Variants in NOTCH4 observed in about 807,000 individuals in gnomAD.
NOTCH4 encodes the protein notch receptor 4, also known as neurogenic locus notch homolog protein 4.
A neutral mutation model predicts 189.0 loss-of-function variants in NOTCH4; 138 were observed. That is an observed-to-expected ratio of 0.73 (90% CI 0.64 to 0.84). The LOEUF (loss-of-function observed/expected upper bound fraction) is 0.84. NOTCH4 is among the 40% of genes least tolerant of loss of function. The probability of loss-of-function intolerance (pLI) is 0.00; values close to 1 mark genes in which losing one functional copy is unlikely to be tolerated. For synonymous variants in NOTCH4, 942 were observed against 1,032.8 expected, an observed-to-expected ratio of 0.91 and a Z score of 1.69; for missense variants, 2,286 against 2,605.4, an observed-to-expected ratio of 0.88 and a Z score of 2.67.
intron 28 of NOTCH4, among the ~76,000 whole-genome samples, chr6:32,196,710 C>G (rs1448333997): frequency 6.6e-6 from 1 of 152,104 alleles, no homozygotes; most frequent in Non-Finnish European, 1.5e-5. Flanking sequence ...CATGCCAGTT[C>G]CCCAGTAAGC....
Position 32,202,683 on chromosome 6 carries a change from G to A in NOTCH4, c.3232-84C>T, listed in dbSNP as rs776268485. Reference sequence around the variant, plus strand: ...TCAAGCAAACTCTTGGGTTAAGACGGTGCAGAGGGTCCTAGATTCTCATAT... The same window carrying A: ...TCAAGCAAACTCTTGGGTTAAGACGATGCAGAGGGTCCTAGATTCTCATAT... On this transcript the variant is annotated intron_variant, in intron 20 of 29. Transcript: ENST00000375023. The surrounding 1 kb of genome is among the most constrained non-coding windows in gnomAD (Gnocchi z 5.7). The A allele has an allele frequency of 2.9e-5, 37 of 1,297,072 alleles. 1 individual carries two copies. The Admixed American group carries it at 4.2e-4, about 15-fold the overall frequency. The allele number at this position is 1,297,072 out of a possible 1,614,324, so 80.3% of individuals were successfully genotyped here.
chr6:32,215,489 TACTC>T, intron 11 of NOTCH4, 104 bp from the exon 12 acceptor site: 1 of 1,155,464 alleles, frequency 8.7e-7, no homozygotes, highest in Non-Finnish European at 1.2e-6. Flanking sequence ...ATGCTTGCCT[TACTC>T]ACTCCCTATG....
In NOTCH4 at chr6:32,220,642, C is replaced by T. The variant is rs1220873232; in HGVS notation, c.923-1G>A. 1 of 1,613,532 alleles carries T rather than the reference C, an allele frequency of 6.2e-7. No homozygotes were observed. The highest frequency in any genetic ancestry group is 2.2e-5 in the East Asian group (1 of 44,882). Reference sequence around the variant, plus strand: ...TCCACATCTTCGGAGCAGTCCCAGCCTGCAGGGGGTTGGGGAGGGGACGAG... The same window carrying T: ...TCCACATCTTCGGAGCAGTCCCAGCTTGCAGGGGGTTGGGGAGGGGACGAG... On this transcript the variant is annotated splice_acceptor_variant, in intron 5 of 29. Transcript: ENST00000375023. LOFTEE classifies it high-confidence loss of function.
rs895296320 is a variant in NOTCH4 at position 32,220,157 on chromosome 6, G to C, written c.1287C>G (p.Cys429Trp). 2 of 1,613,866 alleles carry C rather than the reference G, an allele frequency of 1.2e-6. No individual in the cohort carries two copies. The highest frequency in any genetic ancestry group is 1.7e-6 in the Non-Finnish European group (2 of 1,179,998). The change falls in exon 7 of 30, where the codon TGC (cysteine) becomes TGG (tryptophan). Residue 429 changes from cysteine (C) to tryptophan (W), a missense_variant. By Grantham distance (215) the Cys-to-Trp change is radical. Coordinates refer to ENST00000375023, the MANE Select transcript of NOTCH4 (RefSeq NM_004557.4). ...TCAGACACTCGTCCAGGTCCTGGTG[G>C]CAGGTGGGCCCCGAATAGCCAGGCT... is the stretch of plus-strand genomic sequence containing the variant. ...LCQPGYSGPTCHQDLDECLMA... is the reference protein window; with the variant it reads ...LCQPGYSGPTWHQDLDECLMA...
rs558159201 is a variant in NOTCH4, at chr6:32,209,033, A to C, written c.2865+1719T>G. 1.4e-4 allele frequency among the ~76,000 whole-genome samples: 21 copies of C among 152,368 alleles called. No homozygotes were observed. In the South Asian group the frequency reaches 4.1e-3, roughly 30 times the overall value. On this transcript the variant is annotated intron_variant, in intron 18 of 29. Coordinates refer to ENST00000375023, the MANE Select transcript of NOTCH4 (RefSeq NM_004557.4). ...ATCAACAAATGAATGGAAAAAAGAA[A>C]CTGTGTCATATAGACACAATGGAAT...
rs974437735 is a variant in NOTCH4 at position 32,198,144 on chromosome 6, T to C, written c.4756+277A>G. On this transcript the variant is annotated intron_variant, in intron 26 of 29. Transcript: ENST00000375023. The surrounding 1 kb of genome is among the most constrained non-coding windows in gnomAD (Gnocchi z 5.5). ...CCTAGCAGTGGTTTTCTCAAACGAGTCTGGATCAGATTCACCTGAAGGGCT... is the reference window on the plus strand; with the variant it reads ...CCTAGCAGTGGTTTTCTCAAACGAGCCTGGATCAGATTCACCTGAAGGGCT... 1.3e-5 allele frequency among the ~76,000 whole-genome samples: 2 copies of C among 152,070 alleles called. No homozygotes were observed. Among genetic ancestry groups the C allele is most frequent in the African/African-American group, 4.8e-5 (2 of 41,402 alleles).
intron 29 of NOTCH4, 67 bp downstream of exon 29, chr6:32,196,257 G>A: frequency 6.2e-7 from 1 of 1,612,706 alleles, no homozygotes; most frequent in South Asian, 1.1e-5. Context: ...CAGGCTTTGC[G>A]GGTTACCGCA....
intron 28 of NOTCH4, 62 bp downstream of exon 28, chr6:32,196,863 G>T: frequency 6.3e-7 from 1 of 1,587,248 alleles, no homozygotes; most frequent in Non-Finnish European, 8.6e-7. Context: ...TATTTTGCAC[G>T]CTATCTCCCA....
rs915894 is a variant in NOTCH4, at chr6:32,222,613, T to G, written c.349A>C (p.Lys117Gln). 0.38 allele frequency: 604,079 copies of G among 1,601,760 alleles called. 116,051 individuals carry two copies. Among genetic ancestry groups the G allele is most frequent in the East Asian group, 0.5 (22,480 of 44,630 alleles). The part of the protein sequence containing the change: ...PGFTGERCQA[K>Q]LEDPCPPSFC... ...GAGGGAGGACAAGGGTCTTCAAGCT[T>G]GGCCTGGCATCTCTCACCAGTGAAG... Residue 117 changes from lysine to glutamine, a missense_variant, in exon 3 of 30, where the codon AAG becomes CAG. By Grantham distance (53) the Lys-to-Gln change is moderately conservative. This residue lies in a region of NOTCH4 where 1,903 missense variants were observed against 2,261.9 expected (regional missense o/e 0.84). Transcript: ENST00000375023.
In NOTCH4 at chr6:32,212,526, C is replaced by T. The variant is rs908178505; in HGVS notation, c.2628G>A (p.Gly876=). Residue 876 remains glycine (G), a synonymous_variant, in exon 17 of 30, where the codon GGG becomes GGA. Transcript: ENST00000375023. This position sits in a 1 kb window ranked among gnomAD's most constrained non-coding sequence, Gnocchi z 4.4. ...AGGACAGTGGAAGGTTGCAGAGAGG[C>T]CCGGTCCATCCCTGGAGGCACAAGC... The part of the protein sequence containing the change: ...FHCLCLQGWT[G]PLCNLPLSSC... 6.2e-7 allele frequency: 1 copy of T among 1,612,968 alleles called. No homozygotes were observed. Among genetic ancestry groups the T allele is most frequent in the Non-Finnish European group, 8.5e-7 (1 of 1,179,960 alleles).
rs537885208 is a variant in NOTCH4 at position 32,214,252 on chromosome 6, G to A, written c.2025C>T (p.Ser675=). Residue 675 remains serine (S), a synonymous_variant, in exon 13 of 30, where the codon TCC becomes TCT. Coordinates refer to ENST00000375023, the MANE Select transcript of NOTCH4 (RefSeq NM_004557.4). ...TCCAACCCACGTCACACACACATGAGGATCTGGTTGTAAAGAGAAAGGGGA... is the reference window on the plus strand; with the variant it reads ...TCCAACCCACGTCACACACACATGAAGATCTGGTTGTAAAGAGAAAGGGGA... ...CTCHHGHCQR[S]SCVCDVGWTG... is the part of the protein sequence containing the mutation. The A allele has an allele frequency of 1.8e-5, 29 of 1,612,804 alleles. No individual in the cohort carries two copies. In the East Asian group the frequency reaches 2.2e-4, roughly 12 times the overall value.
rs1229289818 is a variant in NOTCH4, at chr6:32,217,163, C to T, written c.1728G>A (p.Lys576=). The change falls in exon 10 of 30, where the codon AAG becomes AAA. Residue 576 remains lysine, a synonymous_variant. Transcript: ENST00000375023. The surrounding 1 kb of genome is among the most constrained non-coding windows in gnomAD (Gnocchi z 4.2). ...CQDQPGAFHC[K]CLPGFEGPRC... is the part of the protein sequence containing the mutation. ...TGTGCCCCAGTTTACCTGGGAGACA[C>T]TTGCAGTGGAAGGCTCCAGGCTGGT... is the stretch of plus-strand genomic sequence containing the variant. 1 of 1,613,036 alleles carries T rather than the reference C, an allele frequency of 6.2e-7. No homozygotes were observed. Among genetic ancestry groups the T allele is most frequent in the Non-Finnish European group, 8.5e-7 (1 of 1,179,976 alleles).
rs779257242 is a variant in NOTCH4, at chr6:32,202,122, C to T, written c.3709G>A (p.Glu1237Lys). The T allele has an allele frequency of 3.3e-6, 5 of 1,507,964 alleles. No homozygotes were observed. In the East Asian group the frequency reaches 1.1e-4, roughly 34 times the overall value. The allele number at this position is 1,507,964 out of a possible 1,614,324, so 93.4% of individuals were successfully genotyped here. The part of the protein sequence containing the change: ...GQCHPQCDSE[E>K]CLFDGYDCET... Reference sequence around the variant, plus strand: ...CAGTCGTAGCCATCAAACAGACACTCTTCAGAGTCACACTGTGGGTGGCAC... The same window carrying T: ...CAGTCGTAGCCATCAAACAGACACTTTTCAGAGTCACACTGTGGGTGGCAC... Residue 1237 changes from glutamate to lysine, a missense_variant, in exon 21 of 30, where the codon GAG becomes AAG. By Grantham distance (56) the Glu-to-Lys change is moderately conservative. This residue lies in a region of NOTCH4 where 1,903 missense variants were observed against 2,261.9 expected (regional missense o/e 0.84). Transcript: ENST00000375023. This position sits in a 1 kb window ranked among gnomAD's most constrained non-coding sequence, Gnocchi z 5.7.
In NOTCH4 at chr6:32,199,052, A is replaced by T; in HGVS notation, c.4409T>A (p.Leu1470His). The T allele has an allele frequency of 1.2e-6, 2 of 1,612,854 alleles. No homozygotes were observed. The highest frequency in any genetic ancestry group is 1.7e-6 in the Non-Finnish European group (2 of 1,179,908). ...ATGCTCTCGGCGTCGACGCCGGATG[A>T]GCTGGAGGACGAGAAGAGCCCCTAG... ...LALGALLVLQ[L>H]IRRRRREHGA... is the part of the protein sequence containing the mutation. The change falls in exon 24 of 30, where the codon CTC (leucine) becomes CAC (histidine). Residue 1470 changes from leucine (L) to histidine (H), a missense_variant. Coordinates refer to ENST00000375023, the MANE Select transcript of NOTCH4 (RefSeq NM_004557.4). The surrounding 1 kb of genome is among the most constrained non-coding windows in gnomAD (Gnocchi z 4.9).
chr6:32,213,057 AACCCAGGGGGAGATGAGAGGAG>A, intron 15 of NOTCH4, 56 bp downstream of exon 15: 1 of 1,312,686 alleles, frequency 7.6e-7, no homozygotes, highest in Middle Eastern at 1.9e-4. Flanking sequence ...GGCAGCCTGG[AACCCAGGGGGAGATGAGAGGAG>A]GGGTGGGAAG....
chr6:32,223,422 C>T (rs1426025751), intron 1 of NOTCH4, among the ~76,000 whole-genome samples: 3 of 152,098 alleles, frequency 2.0e-5, no homozygotes, highest in African/African-American at 2.4e-5. Flanking sequence ...GAGATTTCCT[C>T]CCGGAAAGGC....
chr6:32,202,026 C>A lies in NOTCH4; in HGVS notation c.3755+50G>T. The A allele has an allele frequency of 7.0e-7, 1 of 1,422,138 alleles. No homozygotes were observed. The highest frequency in any genetic ancestry group is 1.9e-5 in the South Asian group (1 of 54,004). The allele number at this position is 1,422,138 out of a possible 1,614,324, so 88.1% of individuals were successfully genotyped here. A position where few individuals can be genotyped will look rare whatever the true frequency, so the allele number is the denominator to read the frequency against. On this transcript the variant is annotated intron_variant, in intron 21 of 29. Transcript: ENST00000375023. The surrounding 1 kb of genome is among the most constrained non-coding windows in gnomAD (Gnocchi z 5.7). ...CAGAGCCATCTACGTCCTTCCTCCT[C>A]CTCTCACCCACCCCTCTCCTTCCCT...
rs554338895 is a variant in NOTCH4 at position 32,210,878 on chromosome 6, G to A, written c.2739C>T (p.Ser913=). 7 of 1,612,632 alleles carry A rather than the reference G, an allele frequency of 4.3e-6. No homozygotes were observed. In the South Asian group the frequency reaches 5.5e-5, roughly 13 times the overall value. ...ATCCAGGGGGGCAGTGGCAGAAATA[G>A]GAGGGGCCGCTGTCGACACAGAGGC... ...NGGLCVDSGP[S]YFCHCPPGFQ... The change falls in exon 18 of 30, where the codon TCC becomes TCT. Residue 913 remains serine (S), a synonymous_variant. Transcript: ENST00000375023. The surrounding 1 kb of genome is among the most constrained non-coding windows in gnomAD (Gnocchi z 4.8).
rs547664010 is a variant in NOTCH4 at position 32,195,002 on chromosome 6, C to G, written c.*435G>C. On this transcript the variant is annotated 3_prime_UTR_variant, in exon 30 of 30. Coordinates refer to ENST00000375023, the MANE Select transcript of NOTCH4 (RefSeq NM_004557.4). The surrounding 1 kb of genome is among the most constrained non-coding windows in gnomAD (Gnocchi z 5.4). ...GCGGGGGTGGCCCTTGGCCACTTTTCAGCACCTACACAGTGCCTGGCACAT... is the reference window on the plus strand; with the variant it reads ...GCGGGGGTGGCCCTTGGCCACTTTTGAGCACCTACACAGTGCCTGGCACAT... 5 of 242,788 alleles carry G rather than the reference C, an allele frequency of 2.1e-5. 1 individual carries two copies. The Admixed American group carries it at 2.7e-4, about 13-fold the overall frequency. The allele number at this position is 242,788 out of a possible 1,614,324, so 15.0% of individuals were successfully genotyped here.
Sources: allele counts gnomAD v4.1 joint callset (sites outside exome capture counted in the v4.1 genomes callset), GRCh38; gene constraint gnomAD v4.1.1; regional missense constraint gnomAD v4.1.1; non-coding constraint Gnocchi (gnomAD v3.1); transcripts MANE v1.5; gene names NCBI Gene and HGNC (gene_info 2026-07-23, HGNC 2026-07-21).